The following SKAP1 variants were observed in gnomAD, a reference collection of about 807,000 sequenced individuals.
The protein encoded by SKAP1 is src kinase associated phosphoprotein 1.
SKAP1 carries 44 observed loss-of-function variants against 58.5 expected under a neutral mutation model. The ratio of observed to expected loss-of-function variants is 0.75; its 90% CI spans 0.59 to 0.97. The LOEUF (loss-of-function observed/expected upper bound fraction) is 0.97, where lower values mean the gene tolerates loss of function less well. Ranked by LOEUF, SKAP1 falls within the 50% of genes least tolerant of loss-of-function variation. The probability of loss-of-function intolerance (pLI) is 0.00; values close to 1 mark genes in which losing one functional copy is unlikely to be tolerated. For synonymous variants in SKAP1, 127 were observed against 149.7 expected (o/e 0.85, Z 1.11); for missense variants, 390 against 435.2 (o/e 0.90, Z 0.92).
intron 11 of SKAP1, among the ~76,000 whole-genome samples, chr17:48,151,718 A>G (rs944787886): frequency 6.6e-6 from 1 of 152,218 alleles, no homozygotes; most frequent in Non-Finnish European, 1.5e-5. Flanking sequence ...AAAGTTCACA[A>G]TGCTCCATGT....
At chr17:48,350,248 A>G (rs890820353) in intron 3 of SKAP1, among the ~76,000 whole-genome samples, 2 of 152,078 alleles carry the variant, frequency 1.3e-5, no homozygotes, top group African/African-American at 4.8e-5. Context: ...AATAACAGAG[A>G]AAACATATAT....
chr17:48,266,867 C>G (rs936027417), intron 4 of SKAP1, among the ~76,000 whole-genome samples: 27 of 151,996 alleles, frequency 1.8e-4, no homozygotes, highest in Non-Finnish European at 1.3e-4. Flanking sequence ...AATGATATTT[C>G]TATTTTACAA....
intron 2 of SKAP1, among the ~76,000 whole-genome samples, chr17:48,376,721 T>A (rs376288822): frequency 1.6e-4 from 24 of 152,172 alleles, no homozygotes; most frequent in Non-Finnish European, 1.0e-4. Flanking sequence ...TGCCAGACAC[T>A]CTGTGAGGGA....
At chr17:48,436,875 T>C in the SKAP1 span, among the ~76,000 whole-genome samples, 6 of 152,218 alleles carry the variant, frequency 3.9e-5, no homozygotes, top group East Asian at 7.7e-4. Context: ...TTTTGGATCA[T>C]TGGATGGTCT....
intron 2 of SKAP1, among the ~76,000 whole-genome samples, chr17:48,382,128 T>G (rs1024713927): frequency 6.6e-6 from 1 of 151,404 alleles, no homozygotes; most frequent in Non-Finnish European, 1.5e-5. Flanking sequence ...CTCTTGACAC[T>G]GAGCCTGGCA....
At chr17:48,202,157 T>C (rs1170233048) in intron 4 of SKAP1, among the ~76,000 whole-genome samples, 1 of 152,248 alleles carries the variant, frequency 6.6e-6, no homozygotes, top group Non-Finnish European at 1.5e-5. Flanking sequence ...TTTTGCCTTC[T>C]CTATGTCTCT....
At chr17:48,428,685 A>G (rs1328632234) in intron 1 of SKAP1, among the ~76,000 whole-genome samples, 1 of 152,264 alleles carries the variant, frequency 6.6e-6, no homozygotes, top group East Asian at 1.9e-4. Context: ...ATATATTTCA[A>G]TGCAAGGGCA....
intron 9 of SKAP1, among the ~76,000 whole-genome samples, chr17:48,171,970 G>T (rs1227762986): frequency 1.3e-5 from 2 of 152,150 alleles, no homozygotes; most frequent in Non-Finnish European, 2.9e-5. Context: ...TGAGGCAAGA[G>T]AATTGCTTGA....
chr17:48,202,267 C>T (rs967811452), intron 4 of SKAP1, among the ~76,000 whole-genome samples: 12 of 152,120 alleles, frequency 7.9e-5, no homozygotes, highest in African/African-American at 2.7e-4. Flanking sequence ...AACTAATTAT[C>T]GTGATTCTCT....
intron 4 of SKAP1, among the ~76,000 whole-genome samples, chr17:48,266,631 C>T (rs2065554053): frequency 6.6e-6 from 1 of 151,690 alleles, no homozygotes; most frequent in Non-Finnish European, 1.5e-5. Context: ...CTGCCTCAGC[C>T]TCCCGAGTAG....
At chr17:48,290,103 T>C (rs2065881858) in intron 4 of SKAP1, among the ~76,000 whole-genome samples, 1 of 152,198 alleles carries the variant, frequency 6.6e-6, no homozygotes, top group South Asian at 2.1e-4. Flanking sequence ...CTATTTTAGA[T>C]ACTTGAAAAA....
At chr17:48,211,547 A>G (rs2064873320) in intron 4 of SKAP1, among the ~76,000 whole-genome samples, 1 of 152,242 alleles carries the variant, frequency 6.6e-6, no homozygotes, top group African/African-American at 2.4e-5. Flanking sequence ...TATCTCTTAT[A>G]TATGATGGCT....
At chr17:48,237,098 A>G (rs1319783150) in intron 4 of SKAP1, among the ~76,000 whole-genome samples, 2 of 152,248 alleles carry the variant, frequency 1.3e-5, no homozygotes, top group Admixed American at 1.3e-4. Flanking sequence ...TTCTGACTCC[A>G]GAAACCATCC....
At chr17:48,261,829 A>G (rs1471465306) in intron 4 of SKAP1, among the ~76,000 whole-genome samples, 1 of 150,962 alleles carries the variant, frequency 6.6e-6, no homozygotes, top group African/African-American at 2.4e-5. Flanking sequence ...GGGGGAAAAA[A>G]CCATACACAC....
At chr17:48,274,651 G>A (rs753200707) in intron 4 of SKAP1, among the ~76,000 whole-genome samples, 22 of 151,606 alleles carry the variant, frequency 1.5e-4, no homozygotes, top group Non-Finnish European at 2.8e-4. Context: ...AGCTGAGATC[G>A]CACCATTGCA....
chr17:48,388,551 G>A (rs1424650168), intron 2 of SKAP1, among the ~76,000 whole-genome samples: 1 of 152,156 alleles, frequency 6.6e-6, no homozygotes, highest in Non-Finnish European at 1.5e-5. Flanking sequence ...GATATATGCT[G>A]TGATTCACAT....
chr17:48,216,189 G>C (rs977776214), intron 4 of SKAP1, among the ~76,000 whole-genome samples: 2 of 152,146 alleles, frequency 1.3e-5, no homozygotes, highest in African/African-American at 4.8e-5. Context: ...ATGAATTCCG[G>C]TGACTTTTGA....
intron 2 of SKAP1, among the ~76,000 whole-genome samples, chr17:48,387,797 A>G (rs879298905): frequency 6.6e-6 from 1 of 152,224 alleles, no homozygotes; most frequent in Non-Finnish European, 1.5e-5. Flanking sequence ...CAAATTTATG[A>G]GAAAAGTCAG....
intron 10 of SKAP1, among the ~76,000 whole-genome samples, chr17:48,164,063 T>A (rs1241140486): frequency 1.3e-5 from 2 of 152,222 alleles, no homozygotes; most frequent in Non-Finnish European, 2.9e-5. Flanking sequence ...GAGTTGATAA[T>A]ATGTTTGGAA....
Sources: gnomAD v4.1 joint callset for allele counts (sites outside exome capture counted in the v4.1 genomes callset) on GRCh38, gnomAD v4.1.1 for gene constraint, MANE v1.5 for transcripts, NCBI Gene and HGNC (gene_info 2026-07-23, HGNC 2026-07-21) for gene names.